The following PDE4D variants were observed in gnomAD, a reference collection of about 807,000 sequenced individuals.
PDE4D encodes the protein 3',5'-cyclic-AMP phosphodiesterase 4D.
PDE4D carries 24 observed loss-of-function variants against 87.4 expected under a neutral mutation model. The ratio of observed to expected loss-of-function variants is 0.27; its 90% confidence interval spans 0.20 to 0.39. The LOEUF is 0.39. Ranked by LOEUF, PDE4D falls within the 10% of genes least tolerant of loss-of-function variation. The pLI is 1.00. For synonymous variants in PDE4D, 384 were observed against 383.2 expected (o/e 1.00, Z -0.02); for missense variants, 714 against 1,041.0 (o/e 0.69, Z 4.32).
At chr5:59,009,424 T>C (rs1752320175) in intron 6 of PDE4D, among the ~76,000 whole-genome samples, 1 of 152,024 alleles carries the variant, frequency 6.6e-6, no homozygotes, top group Non-Finnish European at 1.5e-5. Context: ...AAATTACCAA[T>C]AGATGCAATA....
chr5:60,316,881 C>T (rs1356931069), intron 1 of PDE4D, among the ~76,000 whole-genome samples: 4 of 151,432 alleles, frequency 2.6e-5, no homozygotes, highest in East Asian at 1.9e-4. Context: ...CTGCTGGATT[C>T]GGTTTGCCAA....
chr5:59,625,401 G>C (rs1243106763), intron 1 of PDE4D, among the ~76,000 whole-genome samples: 1 of 151,888 alleles, frequency 6.6e-6, no homozygotes, highest in Non-Finnish European at 1.5e-5. Flanking sequence ...TTCCAGATAA[G>C]ATCACAGCTG....
intron 1 of PDE4D, among the ~76,000 whole-genome samples, chr5:60,327,832 C>T (rs189617155): frequency 2.7e-5 from 4 of 150,510 alleles, no homozygotes; most frequent in Admixed American, 2.0e-4. Context: ...AGATGAGTAT[C>T]GCAAACATTT....
chr5:60,398,833 G>C (rs1261235611), intron 1 of PDE4D, among the ~76,000 whole-genome samples: 4 of 152,048 alleles, frequency 2.6e-5, no homozygotes, highest in African/African-American at 9.7e-5. Context: ...ATGAGAAACA[G>C]ACTCAGAGGG....
chr5:59,170,028 T>C (rs79325620), intron 5 of PDE4D, among the ~76,000 whole-genome samples: 17,215 of 152,094 alleles, frequency 0.11, 1,379 homozygotes, highest in African/African-American at 0.23. Flanking sequence ...CTTTTATTCA[T>C]GTGGTAGCTT....
chr5:59,998,319 G>C (rs1763700940), intron 2 of PDE4D, among the ~76,000 whole-genome samples: 1 of 152,100 alleles, frequency 6.6e-6, no homozygotes, highest in Non-Finnish European at 1.5e-5. Flanking sequence ...TTACAACCTA[G>C]TTTAATGTAG....
At chr5:60,387,990 G>A (rs973358373) in intron 1 of PDE4D, among the ~76,000 whole-genome samples, 3 of 152,140 alleles carry the variant, frequency 2.0e-5, no homozygotes, top group African/African-American at 7.2e-5. Flanking sequence ...ACTGGAATTG[G>A]AAGCAGCTCA....
chr5:59,636,920 A>G (rs1832323044), intron 1 of PDE4D, among the ~76,000 whole-genome samples: 1 of 152,186 alleles, frequency 6.6e-6, no homozygotes. Flanking sequence ...TAACTAAACT[A>G]AAGAGCTTCT....
intron 1 of PDE4D, among the ~76,000 whole-genome samples, chr5:59,307,618 C>T (rs536451824): frequency 8.8e-4 from 133 of 151,224 alleles, no homozygotes; most frequent in African/African-American, 3.1e-3. Flanking sequence ...AAATGCTCAC[C>T]ATCACTGGCC....
At position 60,139,948 on chromosome 5, in the gene PDE4D, A is replaced by G. The variant is rs186317656; in HGVS notation, c.42+45609T>C. Among the ~76,000 whole-genome samples, 28 of 152,212 alleles carry G rather than the reference A, an allele frequency of 1.8e-4. No individual in the cohort carries two copies. The East Asian group carries it at 1.9e-3, about 11-fold the overall frequency. On this transcript the variant is annotated intron_variant, in intron 2 of 16. Transcript: ENST00000502484. ...TGCTAAGTATCTATTAGTAGTATTTACCAACTAATTTTACTGGTATACACT... is the reference window on the plus strand; with the variant it reads ...TGCTAAGTATCTATTAGTAGTATTTGCCAACTAATTTTACTGGTATACACT...
chr5:60,311,018 CTTTT>C (rs67263352), intron 1 of PDE4D, among the ~76,000 whole-genome samples: 4 of 139,678 alleles, frequency 2.9e-5, no homozygotes, highest in Admixed American at 7.1e-5. Flanking sequence ...TAAAATAAGT[CTTTT>C]TTTTTTTTTT....
intron 2 of PDE4D, among the ~76,000 whole-genome samples, chr5:60,049,855 A>G (rs977481117): frequency 6.6e-6 from 1 of 152,208 alleles, no homozygotes; most frequent in Non-Finnish European, 1.5e-5. Flanking sequence ...TGGAGCCTAC[A>G]GAGGCAGGCA....
chr5:59,596,877 C>T (rs184324870), intron 1 of PDE4D, among the ~76,000 whole-genome samples: 7 of 152,208 alleles, frequency 4.6e-5, no homozygotes, highest in Admixed American at 4.6e-4. Context: ...CCAAAATGTC[C>T]TGTAGACTCA....
At chr5:59,389,467 T>G (rs897082459) in intron 1 of PDE4D, among the ~76,000 whole-genome samples, 8 of 151,930 alleles carry the variant, frequency 5.3e-5, no homozygotes, top group African/African-American at 1.9e-4. Context: ...GGAAGGGTGC[T>G]GGGAAAAGAG....
At chr5:60,069,786 TA>T (rs1772511985) in intron 2 of PDE4D, among the ~76,000 whole-genome samples, 1 of 152,178 alleles carries the variant, frequency 6.6e-6, no homozygotes, top group South Asian at 2.1e-4. Context: ...ATGGATATTT[TA>T]ACAATGTTAA....
chr5:60,335,635 C>A (rs1313090809), intron 1 of PDE4D, among the ~76,000 whole-genome samples: 1 of 152,164 alleles, frequency 6.6e-6, no homozygotes, highest in African/African-American at 2.4e-5. Context: ...TCCTGGCAAC[C>A]TTGAGCTTCC....
intron 1 of PDE4D, among the ~76,000 whole-genome samples, chr5:59,243,513 G>A (rs13360907): frequency 0.084 from 10,709 of 127,886 alleles, 521 homozygotes; most frequent in Middle Eastern, 0.14. Context: ...AGGCTGGAGT[G>A]CAGTGGAGTG....
chr5:60,515,988 T>C (rs1030370611), intron 1 of PDE4D, among the ~76,000 whole-genome samples: 1 of 152,234 alleles, frequency 6.6e-6, no homozygotes, highest in Non-Finnish European at 1.5e-5. Context: ...TGAAAAACTA[T>C]GCTCTAAGTG....
intron 2 of PDE4D, among the ~76,000 whole-genome samples, chr5:60,152,827 C>A (rs1227631211): frequency 6.6e-6 from 1 of 152,052 alleles, no homozygotes; most frequent in Non-Finnish European, 1.5e-5. Context: ...GAATTTATTT[C>A]TTCTGGGTTA....
Sources: allele counts gnomAD v4.1 joint callset (sites outside exome capture counted in the v4.1 genomes callset), GRCh38; gene constraint gnomAD v4.1.1; transcripts MANE v1.5; gene names NCBI Gene and HGNC (gene_info 2026-07-23, HGNC 2026-07-21).